The following RARRES1 variants were observed in gnomAD, a reference collection of about 807,000 sequenced individuals.
The protein encoded by RARRES1 is retinoic acid receptor responder 1.
In RARRES1, 34 loss-of-function variants were observed where a neutral mutation model predicts 30.6. The observed-to-expected ratio is 1.11, with a 90% CI of 0.84 to 1.48. The LOEUF is 1.48. RARRES1 is among the 40% of genes most tolerant of loss of function. The pLI is 0.00. For missense variants in RARRES1, 373 were observed against 386.5 expected (o/e 0.97, Z 0.29); for synonymous variants, 153 against 155.5 (o/e 0.98, Z 0.12).
intron 1 of RARRES1, among the ~76,000 whole-genome samples, chr3:158,731,463 C>G (rs1727884815): frequency 6.6e-6 from 1 of 152,186 alleles, no homozygotes; most frequent in Non-Finnish European, 1.5e-5. Flanking sequence ...ACAGTCAATG[C>G]CTTGAAATCA....
At chr3:158,707,430 G>A (rs1726959419) in intron 3 of RARRES1, among the ~76,000 whole-genome samples, 1 of 152,260 alleles carries the variant, frequency 6.6e-6, no homozygotes, top group Middle Eastern at 3.4e-3. Context: ...AGAAGGAACT[G>A]GTTGACGGAG....
intron 2 of RARRES1, 47 bp from the exon 3 acceptor site, chr3:158,710,980 G>T: frequency 6.7e-7 from 1 of 1,491,792 alleles, no homozygotes; most frequent in Non-Finnish European, 9.3e-7. Context: ...TCACCCCAGT[G>T]CACACAAGCA....
intron 4 of RARRES1, among the ~76,000 whole-genome samples, chr3:158,698,996 T>C (rs1263545305): frequency 6.6e-6 from 1 of 152,164 alleles, no homozygotes; most frequent in Non-Finnish European, 1.5e-5. Flanking sequence ...TGGGACTCTC[T>C]CCCACCAGGA....
intron 3 of RARRES1, 93 bp downstream of exon 3, chr3:158,710,645 A>C: frequency 8.1e-7 from 1 of 1,233,002 alleles, no homozygotes; most frequent in African/African-American, 1.5e-5. Context: ...TGAAAGTGCC[A>C]CTTTAGGGAT....
intron 4 of RARRES1, among the ~76,000 whole-genome samples, chr3:158,702,174 A>G (rs1373314839): frequency 6.6e-6 from 1 of 152,096 alleles, no homozygotes; most frequent in African/African-American, 2.4e-5. Context: ...AGTAGCTGGG[A>G]CTACAGGTGC....
intron 1 of RARRES1, among the ~76,000 whole-genome samples, chr3:158,730,365 CTCCTTCCTTCCTTCCTTCCTTCCTTCCT>C (rs61461024): frequency 8.3e-6 from 1 of 120,240 alleles, no homozygotes; most frequent in Admixed American, 9.3e-5. Context: ...GAATAGGTTG[CTCCTTCCTTCCTTCCTTCCTTCCTTCCT>C]TCCTTCCTTC....
intron 3 of RARRES1, chr3:158,705,781 A>G (rs1344745882): frequency 6.6e-6 from 1 of 152,008 alleles, no homozygotes. Flanking sequence ...CATCTCTGTC[A>G]CTCTTGTTTA....
Position 158,713,949 on chromosome 3 carries a change from G to A in RARRES1, c.277-90C>T, listed in dbSNP as rs564537600. The A allele has an allele frequency of 1.1e-5, 12 of 1,142,372 alleles. No individual in the cohort carries two copies. In the African/African-American group the frequency reaches 1.7e-4, roughly 16 times the overall value. The allele number at this position is 1,142,372 out of a possible 1,614,324, so 70.8% of individuals were successfully genotyped here. ...TCACACTCTTAGGATAACATGGCAT[G>A]CAAATGGTGGCTGTAGCATTTATAC... On this transcript the variant is annotated intron_variant, in intron 1 of 5. Transcript: ENST00000237696.
At chr3:158,731,081 C>T (rs1727870157) in intron 1 of RARRES1, among the ~76,000 whole-genome samples, 1 of 152,070 alleles carries the variant, frequency 6.6e-6, no homozygotes, top group Non-Finnish European at 1.5e-5. Flanking sequence ...CCGTGCCTGG[C>T]CAGGTTGCCT....
In RARRES1 at chr3:158,732,419, C is replaced by T. The variant is rs927638366; in HGVS notation, c.-4G>A. On this transcript the variant is annotated 5_prime_UTR_variant, in exon 1 of 6. Transcript: ENST00000237696. Reference sequence around the variant, plus strand: ...GCCGTTGCCGGCGGGGCTGCATGGACGCAGGAAAGTTGGCTCGGCACCCGA... The same window carrying T: ...GCCGTTGCCGGCGGGGCTGCATGGATGCAGGAAAGTTGGCTCGGCACCCGA... The T allele has an allele frequency of 2.0e-6, 3 of 1,516,506 alleles. No homozygotes were observed. The highest frequency in any genetic ancestry group is 2.6e-6 in the Non-Finnish European group (3 of 1,137,492). The allele number at this position is 1,516,506 out of a possible 1,614,324, so 93.9% of individuals were successfully genotyped here.
At chr3:158,713,048 G>T (rs1446077105) in intron 2 of RARRES1, among the ~76,000 whole-genome samples, 1 of 152,278 alleles carries the variant, frequency 6.6e-6, no homozygotes, top group Non-Finnish European at 1.5e-5. Flanking sequence ...AGAAGCATGG[G>T]GTTGGGGGAG....
intron 4 of RARRES1, 119 bp downstream of exon 4, chr3:158,704,672 T>A (rs939355830): frequency 7.8e-6 from 11 of 1,406,652 alleles, no homozygotes; most frequent in African/African-American, 1.4e-5. Context: ...CACATATTTA[T>A]TGAAATAAAT....
intron 1 of RARRES1, among the ~76,000 whole-genome samples, chr3:158,724,246 G>A (rs763691979): frequency 7.9e-5 from 12 of 152,180 alleles, no homozygotes; most frequent in Admixed American, 2.0e-4. Context: ...CAGCCAGCCT[G>A]GACACGGGGT....
chr3:158,716,121 T>TAGCTGTG (rs1161670852), intron 1 of RARRES1, among the ~76,000 whole-genome samples: 3 of 152,208 alleles, frequency 2.0e-5, no homozygotes, highest in Admixed American at 1.3e-4. Context: ...CTCAGGTTTC[T>TAGCTGTG]AGCTGTGAGG....
At chr3:158,711,491 C>T (rs965822140) in intron 2 of RARRES1, among the ~76,000 whole-genome samples, 1 of 152,096 alleles carries the variant, frequency 6.6e-6, no homozygotes, top group African/African-American at 2.4e-5. Context: ...TCTGTACTAA[C>T]TTCATCTCTC....
At chr3:158,704,548 T>C (rs1043893072) in intron 4 of RARRES1, 13 of 460,766 alleles carry the variant, frequency 2.8e-5, no homozygotes, top group Middle Eastern at 5.9e-4. Context: ...TAGCTCACTG[T>C]CTCTTTTTAT....
chr3:158,721,414 A>C (rs1727506622), intron 1 of RARRES1, among the ~76,000 whole-genome samples: 1 of 152,132 alleles, frequency 6.6e-6, no homozygotes, highest in African/African-American at 2.4e-5. Context: ...GGGAACTTGC[A>C]TTTTAACAAG....
chr3:158,720,237 T>G (rs1727463920), intron 1 of RARRES1, among the ~76,000 whole-genome samples: 1 of 129,480 alleles, frequency 7.7e-6, no homozygotes, highest in Non-Finnish European at 1.6e-5. Flanking sequence ...GCTGCTGGTG[T>G]GTGTGTGTGT....
At chr3:158,731,008 C>T (rs1727865762) in intron 1 of RARRES1, among the ~76,000 whole-genome samples, 2 of 151,996 alleles carry the variant, frequency 1.3e-5, no homozygotes, top group Admixed American at 6.6e-5. Context: ...GTCTCGAACT[C>T]CCGACCTCAG....
Sources: allele counts gnomAD v4.1 joint callset (sites outside exome capture counted in the v4.1 genomes callset), GRCh38; gene constraint gnomAD v4.1.1; transcripts MANE v1.5; gene names NCBI Gene and HGNC (gene_info 2026-07-23, HGNC 2026-07-21).